Variants in PFKFB2 observed in about 807,000 individuals in gnomAD.
The protein encoded by PFKFB2 is 6-phosphofructo-2-kinase/fructose-2,6-bisphosphatase 2.
In PFKFB2, 53 loss-of-function variants were observed where a neutral mutation model predicts 68.0. That is an observed-to-expected ratio of 0.78 (90% CI 0.63 to 0.98). The LOEUF is 0.98. Among genes scored for constraint, PFKFB2 ranks in the 50% least tolerant of loss-of-function variants. The pLI is 0.00. For synonymous variants in PFKFB2, 222 were observed against 227.6 expected, an observed-to-expected ratio of 0.98 and a Z score of 0.22; for missense variants, 451 against 642.0, an observed-to-expected ratio of 0.70 and a Z score of 3.22.
At chr1:207,071,080 T>C in intron 12 of PFKFB2, 108 bp from the exon 13 acceptor site, 1 of 888,126 alleles carries the variant, frequency 1.1e-6, no homozygotes, top group Non-Finnish European at 1.8e-6. Flanking sequence ...TAAGAGGTGG[T>C]CAAAGTAAGG....
At chr1:207,059,127 C>T (rs1012032910) in intron 2 of PFKFB2, among the ~76,000 whole-genome samples, 17 of 152,142 alleles carry the variant, frequency 1.1e-4, no homozygotes, top group African/African-American at 1.7e-4. Context: ...GCGAGAGGTG[C>T]GTTGCTGGAG....
At position 207,075,751 on chromosome 1, in the gene PFKFB2, G is replaced by GT. The variant is rs1683606349; in HGVS notation, c.*3386dup. The GT allele has an allele frequency of 3.1e-6, 3 of 982,960 alleles. No individual in the cohort carries two copies. The highest frequency in any genetic ancestry group is 1.2e-4 in the Admixed American group (2 of 16,242). 60.9% of individuals were successfully genotyped at this position (982,960 alleles called of 1,614,324 possible). On this transcript the variant is annotated 3_prime_UTR_variant, in exon 15 of 15. Transcript: ENST00000367080. ...ATAGTGAGACCTCACCTCTAAAAAA[G>GT]TTTTTTATAAATTTACTTGTCTAAA... is the stretch of plus-strand genomic sequence containing the variant.
chr1:207,053,796 T>C (rs577776858), intron 1 of PFKFB2, among the ~76,000 whole-genome samples: 1 of 152,190 alleles, frequency 6.6e-6, no homozygotes, highest in African/African-American at 2.4e-5. Context: ...AATGACGACG[T>C]GCTAGGGCTG....
intron 3 of PFKFB2, among the ~76,000 whole-genome samples, 173 bp downstream of exon 3, chr1:207,062,251 G>T (rs891474199): frequency 6.6e-6 from 1 of 152,180 alleles, no homozygotes; most frequent in Non-Finnish European, 1.5e-5. Flanking sequence ...TCCTCCTGGC[G>T]TGGGTGGATT....
intron 13 of PFKFB2, 50 bp downstream of exon 13, chr1:207,071,300 G>C: frequency 6.7e-7 from 1 of 1,486,998 alleles, no homozygotes; most frequent in Non-Finnish European, 9.4e-7. Flanking sequence ...AGGAAGGTCA[G>C]AATTTTCTCT....
chr1:207,057,302 C>CAAAAAAAAAAAAAAAAAAAAA (rs748726221), intron 2 of PFKFB2, among the ~76,000 whole-genome samples: 4 of 40,398 alleles, frequency 9.9e-5, no homozygotes, highest in African/African-American at 2.7e-4. Context: ...AAAAAAACTA[C>CAAAAAAAAAAAAAAAAAAAAA]AAAAAAAAAA....
At chr1:207,065,590 A>C (rs1248217923) in intron 8 of PFKFB2, among the ~76,000 whole-genome samples, 1 of 151,718 alleles carries the variant, frequency 6.6e-6, no homozygotes, top group Non-Finnish European at 1.5e-5. Flanking sequence ...GAGCTCAAGT[A>C]ATCCACCCGC....
At chr1:207,049,994 C>G (rs116464956), upstream of PFKFB2, among the ~76,000 whole-genome samples, 129 of 152,296 alleles carry the variant, frequency 8.5e-4, no homozygotes, top group Middle Eastern at 3.4e-3. Flanking sequence ...TAAAAAGATA[C>G]ATTTCAAAAA....
chr1:207,039,855 C>T (rs1460996254), intron 1 of PFKFB2, among the ~76,000 whole-genome samples: 1 of 152,160 alleles, frequency 6.6e-6, no homozygotes, highest in Non-Finnish European at 1.5e-5. Flanking sequence ...TGTGTTGTGT[C>T]CAACATTTGA....
chr1:207,078,402 G>A (rs567178575), downstream of PFKFB2, among the ~76,000 whole-genome samples: 2 of 152,306 alleles, frequency 1.3e-5, no homozygotes, highest in African/African-American at 4.8e-5. Flanking sequence ...TTACTAGGAC[G>A]ACCAGGTGAT....
At chr1:207,057,109 G>A (rs2102339908) in intron 2 of PFKFB2, among the ~76,000 whole-genome samples, 1 of 152,086 alleles carries the variant, frequency 6.6e-6, no homozygotes, top group South Asian at 2.1e-4. Context: ...TACTGGCCGA[G>A]GTGCCTTTAC....
chr1:207,037,413 T>G (rs1481835840), intron 1 of PFKFB2, among the ~76,000 whole-genome samples: 1 of 152,254 alleles, frequency 6.6e-6, no homozygotes, highest in Non-Finnish European at 1.5e-5. Context: ...AGCTTGGTGC[T>G]GAGTCTTCCT....
At chr1:207,041,354 G>A (rs1175721945) in intron 1 of PFKFB2, among the ~76,000 whole-genome samples, 3 of 151,882 alleles carry the variant, frequency 2.0e-5, no homozygotes, top group Non-Finnish European at 4.4e-5. Context: ...ATCTACATTA[G>A]GTATTTCTCC....
chr1:207,067,332 A>G (rs1434660981), intron 8 of PFKFB2, among the ~76,000 whole-genome samples, 167 bp from the exon 9 acceptor site: 1 of 152,240 alleles, frequency 6.6e-6, no homozygotes, highest in Non-Finnish European at 1.5e-5. Flanking sequence ...CTTGGTTTTA[A>G]GGAGTAATTA....
At chr1:207,065,377 G>T (rs768010429) in intron 8 of PFKFB2, 239 of 892,194 alleles carry the variant, frequency 2.7e-4, no homozygotes, top group Non-Finnish European at 3.0e-4. Flanking sequence ...TTGAGACAGG[G>T]TCTCACTCTG....
At chr1:207,052,145 G>A (rs1474746126), upstream of PFKFB2, 7 of 1,599,380 alleles carry the variant, frequency 4.4e-6, no homozygotes, top group Non-Finnish European at 6.0e-6. Context: ...GGCCCGCTGG[G>A]GCAACTATGA....
intron 1 of PFKFB2, among the ~76,000 whole-genome samples, chr1:207,037,683 T>C (rs966148163): frequency 1.3e-5 from 2 of 152,372 alleles, no homozygotes; most frequent in East Asian, 1.9e-4. Flanking sequence ...TTCCTACCAG[T>C]TGATTGAGTA....
Position 207,074,784 on chromosome 1 carries a change from A to G in PFKFB2, c.*2413A>G, listed in dbSNP as rs950292334. 8 of 985,308 alleles carry G rather than the reference A, an allele frequency of 8.1e-6. No individual in the cohort carries two copies. In the African/African-American group the frequency reaches 1.2e-4, roughly 15 times the overall value. 61.0% of individuals were successfully genotyped at this position (985,308 alleles called of 1,614,324 possible). A position where few individuals can be genotyped will look rare whatever the true frequency, so the allele number is the denominator to read the frequency against. On this transcript the variant is annotated 3_prime_UTR_variant, in exon 15 of 15. Coordinates refer to ENST00000367080, the MANE Select transcript of PFKFB2 (RefSeq NM_006212.2). ...TTAAGAGACAGGACATGTAATTTAT[A>G]ACAAATGGACATTTGCAATATAGCA...
In PFKFB2 at chr1:207,069,174, C is replaced by T. The variant is rs182653857; in HGVS notation, c.988-250C>T. Among the ~76,000 whole-genome samples, 6 of 152,226 alleles carry T rather than the reference C, an allele frequency of 3.9e-5. No individual in the cohort carries two copies. The East Asian group carries it at 1.2e-3, about 29-fold the overall frequency. ...TGACTTTCTTGACCTGTAAGTTCCC[C>T]CCAGTAGTAGGAGAATGTGGTAGCT... On this transcript the variant is annotated intron_variant, in intron 10 of 14. Transcript: ENST00000367080.
Sources: gnomAD v4.1 joint callset for allele counts (sites outside exome capture counted in the v4.1 genomes callset) on GRCh38, gnomAD v4.1.1 for gene constraint, MANE v1.5 for transcripts, NCBI Gene and HGNC (gene_info 2026-07-23, HGNC 2026-07-21) for gene names.